CCDC3: variants seen among roughly 807,000 people sequenced by gnomAD.
CCDC3 encodes coiled-coil domain-containing protein 3.
Under a neutral mutation model 21.4 loss-of-function variants are expected in CCDC3, and 24 were observed. The observed-to-expected ratio is 1.12, with a 90% CI of 0.81 to 1.58. The LOEUF is 1.58. Ranked by LOEUF, CCDC3 falls within the 40% of genes most tolerant of loss-of-function variation. CCDC3 has a pLI of 0.00. For missense variants in CCDC3, 425 were observed against 360.9 expected (o/e 1.18, Z -1.44); for synonymous variants, 186 against 166.0 (o/e 1.12, Z -0.93).
At chr10:12,986,679 C>T (rs990372149) in intron 2 of CCDC3, among the ~76,000 whole-genome samples, 3 of 151,352 alleles carry the variant, frequency 2.0e-5, no homozygotes, top group Non-Finnish European at 4.4e-5. Context: ...GAGGCTGAGG[C>T]AGGAGAATGG....
intron 2 of CCDC3, among the ~76,000 whole-genome samples, chr10:12,953,653 G>A (rs1835041837): frequency 6.6e-6 from 1 of 152,210 alleles, no homozygotes; most frequent in African/African-American, 2.4e-5. Context: ...ACCACGAGCT[G>A]GGAGGACAGC....
intron 2 of CCDC3, among the ~76,000 whole-genome samples, chr10:12,900,276 TAA>T (rs1055893173): frequency 2.6e-5 from 4 of 152,230 alleles, no homozygotes; most frequent in Admixed American, 2.0e-4. Context: ...AGCATATATA[TAA>T]AAAGAGGTAT....
intron 2 of CCDC3, among the ~76,000 whole-genome samples, chr10:12,923,559 CT>C (rs1834487377): frequency 6.6e-6 from 1 of 152,158 alleles, no homozygotes; most frequent in African/African-American, 2.4e-5. Flanking sequence ...TGGAACCTCC[CT>C]TTTTGCATTA....
At chr10:13,082,017 C>T (rs954175545) in intron 3 of CCDC3, among the ~76,000 whole-genome samples, 2 of 152,212 alleles carry the variant, frequency 1.3e-5, no homozygotes, top group Non-Finnish European at 2.9e-5. Flanking sequence ...CCCCCGAGGG[C>T]CATCCAGCCT....
chr10:13,089,615 CT>C (rs1277696802), intron 3 of CCDC3, among the ~76,000 whole-genome samples: 1 of 152,022 alleles, frequency 6.6e-6, no homozygotes, highest in Non-Finnish European at 1.5e-5. Flanking sequence ...TTTTTATTTT[CT>C]TTCAGCACCC....
At chr10:12,952,719 T>C (rs1835024897) in intron 2 of CCDC3, among the ~76,000 whole-genome samples, 1 of 152,194 alleles carries the variant, frequency 6.6e-6, no homozygotes, top group African/African-American at 2.4e-5. Context: ...TCCAGTCATT[T>C]TGGGAGCCCA....
At chr10:13,025,921 C>A (rs761382551) in intron 5 of CCDC3, among the ~76,000 whole-genome samples, 1 of 152,216 alleles carries the variant, frequency 6.6e-6, no homozygotes, top group African/African-American at 2.4e-5. Flanking sequence ...TGGCTCACGC[C>A]TGTAATCCCA....
At chr10:13,055,060 T>C (rs556554402) in intron 4 of CCDC3, among the ~76,000 whole-genome samples, 20 of 152,312 alleles carry the variant, frequency 1.3e-4, no homozygotes, top group Non-Finnish European at 1.6e-4. Flanking sequence ...TGCAGGCAGC[T>C]GCAAACAAGT....
At chr10:12,901,292 T>G (rs998726521) in intron 2 of CCDC3, among the ~76,000 whole-genome samples, 2 of 152,146 alleles carry the variant, frequency 1.3e-5, no homozygotes, top group African/African-American at 4.8e-5. Flanking sequence ...TTTTTTGAGA[T>G]GGAGTCTTGC....
chr10:13,006,820 G>A (rs1298804608), intron 5 of CCDC3, among the ~76,000 whole-genome samples: 1 of 152,100 alleles, frequency 6.6e-6, no homozygotes, highest in African/African-American at 2.4e-5. Context: ...CTAGGTAAGG[G>A]GCTTCAGTTC....
intron 2 of CCDC3, 140 bp from the exon 3 acceptor site, chr10:12,898,819 G>A: frequency 1.0e-6 from 1 of 998,654 alleles, no homozygotes; most frequent in Non-Finnish European, 1.4e-6. Flanking sequence ...ATAAACCCCA[G>A]GATGTCCTTG....
intron 2 of CCDC3, among the ~76,000 whole-genome samples, chr10:12,903,220 C>T (rs919961970): frequency 2.0e-5 from 3 of 152,180 alleles, no homozygotes; most frequent in Non-Finnish European, 4.4e-5. Context: ...AGGCTAACGC[C>T]ATAAAATAAC....
chr10:12,928,320 A>G (rs765063655), intron 2 of CCDC3, among the ~76,000 whole-genome samples: 1 of 152,238 alleles, frequency 6.6e-6, no homozygotes, highest in East Asian at 1.9e-4. Flanking sequence ...CAGGCACAAG[A>G]GAGAAGAATA....
At chr10:12,952,112 C>A (rs983525552) in intron 2 of CCDC3, among the ~76,000 whole-genome samples, 1 of 152,148 alleles carries the variant, frequency 6.6e-6, no homozygotes, top group African/African-American at 2.4e-5. Flanking sequence ...CCAAACTGAT[C>A]GTGCCCAAAT....
At chr10:12,960,250 C>T (rs185970181) in intron 2 of CCDC3, among the ~76,000 whole-genome samples, 10 of 152,152 alleles carry the variant, frequency 6.6e-5, no homozygotes, top group African/African-American at 2.4e-4. Context: ...AAAGCATAGA[C>T]AGACTTTTGA....
At chr10:12,903,914 T>C (rs1164716413) in intron 2 of CCDC3, among the ~76,000 whole-genome samples, 4 of 152,232 alleles carry the variant, frequency 2.6e-5, no homozygotes, top group African/African-American at 9.6e-5. Context: ...AATGATTCTA[T>C]GGTACAGAGA....
At chr10:13,077,801 G>A (rs77216505) in intron 3 of CCDC3, among the ~76,000 whole-genome samples, 113,252 of 151,902 alleles carry the variant, frequency 0.75, 42,525 homozygotes, top group Middle Eastern at 0.83. Flanking sequence ...AAACTGGCTA[G>A]CCATATGTAG....
Position 12,915,031 on chromosome 10 carries a change from G to A in CCDC3, c.550-16352C>T, listed in dbSNP as rs140273251. Reference sequence around the variant, plus strand: ...CATCCCGTAAGTTTTGGTATGTTGTGTTTCCATTTTCATTTGTCTCATGAC... The same window carrying A: ...CATCCCGTAAGTTTTGGTATGTTGTATTTCCATTTTCATTTGTCTCATGAC... On this transcript the variant is annotated intron_variant, in intron 2 of 2. Transcript: ENST00000378825. 7.2e-5 allele frequency among the ~76,000 whole-genome samples: 11 copies of A among 152,058 alleles called. No homozygotes were observed. The East Asian group carries it at 1.9e-3, about 27-fold the overall frequency.
intron 3 of CCDC3, among the ~76,000 whole-genome samples, chr10:13,093,248 T>C (rs1380986733): frequency 4.6e-5 from 7 of 152,114 alleles, no homozygotes; most frequent in East Asian, 1.9e-4. Context: ...AAGCACATCT[T>C]ACATGGCGGC....
Sources: allele counts gnomAD v4.1 joint callset (sites outside exome capture counted in the v4.1 genomes callset), GRCh38; gene constraint gnomAD v4.1.1; transcripts MANE v1.5; gene names NCBI Gene and HGNC (gene_info 2026-07-23, HGNC 2026-07-21).